The following NOS1AP variants were observed in gnomAD, a reference collection of about 807,000 sequenced individuals.
The protein encoded by NOS1AP is nitric oxide synthase 1 adaptor protein.
Under a neutral mutation model 56.2 loss-of-function variants are expected in NOS1AP, and 21 were observed. That is an observed-to-expected ratio of 0.37 (90% CI 0.26 to 0.54). The LOEUF is 0.54. Among genes scored for constraint, NOS1AP ranks in the 20% least tolerant of loss-of-function variants. The pLI, the probability that NOS1AP is intolerant of heterozygous loss-of-function variation, is 0.84. For missense variants in NOS1AP, 522 were observed against 657.8 expected (o/e 0.79, Z 2.26); for synonymous variants, 270 against 274.6 (o/e 0.98, Z 0.17).
intron 2 of NOS1AP, among the ~76,000 whole-genome samples, chr1:162,244,833 G>A (rs1653608631): frequency 6.6e-6 from 1 of 152,180 alleles, no homozygotes; most frequent in Admixed American, 6.5e-5. Flanking sequence ...GCTCCTAGTT[G>A]AGCTAACGAT....
Position 162,170,563 on chromosome 1 carries a change from A to G in NOS1AP, c.177+16087A>G, listed in dbSNP as rs538733000. 7.2e-5 allele frequency among the ~76,000 whole-genome samples: 11 copies of G among 152,332 alleles called. No individual in the cohort carries two copies. In the South Asian group the frequency reaches 2.1e-3, roughly 29 times the overall value. ...GCAGGAATAGGTTAGTTTAAAAACA[A>G]GGAGAGGGAAGAAGAGAAGGAAATT... On this transcript the variant is annotated intron_variant, in intron 2 of 9. Coordinates refer to ENST00000361897, the MANE Select transcript of NOS1AP (RefSeq NM_014697.3).
intron 2 of NOS1AP, among the ~76,000 whole-genome samples, chr1:162,238,913 G>A (rs1414427864): frequency 6.6e-6 from 1 of 152,166 alleles, no homozygotes; most frequent in Non-Finnish European, 1.5e-5. Context: ...TTGGAAGAAA[G>A]CAAAATTAGA....
At chr1:162,110,186 C>T (rs1278053669) in intron 1 of NOS1AP, among the ~76,000 whole-genome samples, 1 of 151,970 alleles carries the variant, frequency 6.6e-6, no homozygotes, top group African/African-American at 2.4e-5. Context: ...GGTTCCCCTC[C>T]GGTGAGGGGT....
chr1:162,278,383 C>T (rs1654811594), intron 2 of NOS1AP, among the ~76,000 whole-genome samples: 1 of 152,210 alleles, frequency 6.6e-6, no homozygotes, highest in African/African-American at 2.4e-5. Context: ...TGTGAAATAG[C>T]ATTACTATTC....
chr1:162,281,912 C>G (rs1286421161), intron 2 of NOS1AP, among the ~76,000 whole-genome samples: 1 of 152,128 alleles, frequency 6.6e-6, no homozygotes, highest in Non-Finnish European at 1.5e-5. Context: ...CCAGTCTGGC[C>G]AAAATGGTGA....
At chr1:162,191,067 T>C (rs1178453853) in intron 2 of NOS1AP, among the ~76,000 whole-genome samples, 1 of 152,192 alleles carries the variant, frequency 6.6e-6, no homozygotes, top group Non-Finnish European at 1.5e-5. Context: ...TGGGAGACTC[T>C]GTAAGCAGAA....
intron 2 of NOS1AP, among the ~76,000 whole-genome samples, chr1:162,271,446 A>T (rs926857991): frequency 1.3e-5 from 2 of 152,308 alleles, no homozygotes; most frequent in East Asian, 3.9e-4. Flanking sequence ...GCTAAATAGG[A>T]TAATAGATAT....
At chr1:162,362,322 G>T (rs1657929493) in intron 8 of NOS1AP, among the ~76,000 whole-genome samples, 1 of 152,138 alleles carries the variant, frequency 6.6e-6, no homozygotes, top group Non-Finnish European at 1.5e-5. Context: ...GTGGTGGCGG[G>T]CGCCAGTAAT....
Position 162,227,667 on chromosome 1 carries a change from G to A in NOS1AP, c.178-59677G>A, listed in dbSNP as rs373429777. Among the ~76,000 whole-genome samples the A allele has an allele frequency of 4.9e-4, 74 of 152,274 alleles. 2 individuals carry two copies. In the South Asian group the frequency reaches 0.014, roughly 29 times the overall value. On this transcript the variant is annotated intron_variant, in intron 2 of 9. Coordinates refer to ENST00000361897, the MANE Select transcript of NOS1AP (RefSeq NM_014697.3). ...ACACATATCTTATGTTTTGTTGTCCGTTCTAGAGAAAATCCTAAAAGCTTA... is the reference window on the plus strand; with the variant it reads ...ACACATATCTTATGTTTTGTTGTCCATTCTAGAGAAAATCCTAAAAGCTTA...
chr1:162,263,750 C>T (rs1654311802), intron 2 of NOS1AP, among the ~76,000 whole-genome samples: 1 of 152,316 alleles, frequency 6.6e-6, no homozygotes, highest in South Asian at 2.1e-4. Flanking sequence ...TACTTGACAT[C>T]TCTTTTTGGA....
At chr1:162,176,094 A>G (rs1215991980) in intron 2 of NOS1AP, among the ~76,000 whole-genome samples, 1 of 152,152 alleles carries the variant, frequency 6.6e-6, no homozygotes, top group Non-Finnish European at 1.5e-5. Context: ...TATTTCATAC[A>G]TTTGTAATAC....
intron 3 of NOS1AP, among the ~76,000 whole-genome samples, chr1:162,296,685 T>C (rs1571199621): frequency 6.6e-6 from 1 of 152,258 alleles, no homozygotes; most frequent in Non-Finnish European, 1.5e-5. Flanking sequence ...AGAAAGAAAA[T>C]AGTTCTGTAT....
chr1:162,080,406 G>C (rs1314156352), intron 1 of NOS1AP, among the ~76,000 whole-genome samples: 1 of 152,088 alleles, frequency 6.6e-6, no homozygotes, highest in African/African-American at 2.4e-5. Context: ...ATTTATTCTT[G>C]AAACGAAGTG....
chr1:162,324,188 TG>T, intron 4 of NOS1AP, among the ~76,000 whole-genome samples: 1 of 152,110 alleles, frequency 6.6e-6, no homozygotes, highest in East Asian at 1.9e-4. Context: ...CTGAAAAGTG[TG>T]GGATGGATGG....
intron 4 of NOS1AP, among the ~76,000 whole-genome samples, chr1:162,322,685 A>G (rs1455964222): frequency 6.6e-6 from 1 of 152,134 alleles, no homozygotes; most frequent in Non-Finnish European, 1.5e-5. Context: ...CCTCTTACCC[A>G]CGTGTCCCCT....
At chr1:162,320,269 A>G (rs1656368963) in intron 4 of NOS1AP, among the ~76,000 whole-genome samples, 1 of 152,092 alleles carries the variant, frequency 6.6e-6, no homozygotes, top group Non-Finnish European at 1.5e-5. Context: ...CAGCAGATGA[A>G]AATAACAGGA....
intron 2 of NOS1AP, among the ~76,000 whole-genome samples, chr1:162,229,938 A>G (rs1653069884): frequency 6.6e-6 from 1 of 152,138 alleles, no homozygotes; most frequent in Non-Finnish European, 1.5e-5. Context: ...TACAGAAATC[A>G]TACCTGTAAT....
At chr1:162,357,294 A>T in intron 8 of NOS1AP, 158 bp downstream of exon 8, 28 of 1,197,798 alleles carry the variant, frequency 2.3e-5, no homozygotes, top group Non-Finnish European at 2.8e-5. Flanking sequence ...GGGCAGCGGG[A>T]GGGGGATAGA....
At chr1:162,233,265 A>C (rs1056869406) in intron 2 of NOS1AP, among the ~76,000 whole-genome samples, 2 of 152,190 alleles carry the variant, frequency 1.3e-5, no homozygotes, top group African/African-American at 4.8e-5. Flanking sequence ...TGGCCAAAGC[A>C]AACAGAGCTT....
Sources: allele counts gnomAD v4.1 joint callset (sites outside exome capture counted in the v4.1 genomes callset), GRCh38; gene constraint gnomAD v4.1.1; transcripts MANE v1.5; gene names NCBI Gene and HGNC (gene_info 2026-07-23, HGNC 2026-07-21).